Variants in BDH1 observed in about 807,000 individuals in gnomAD.
BDH1 encodes 3-hydroxybutyrate dehydrogenase 1.
Under a neutral mutation model 33.1 loss-of-function variants are expected in BDH1, and 30 were observed. The observed-to-expected ratio is 0.91, with a 90% CI of 0.68 to 1.23. The LOEUF is 1.23. BDH1 is among the 50% of genes most tolerant of loss of function. BDH1 has a pLI of 0.00. For missense variants in BDH1, 443 were observed against 464.4 expected (o/e 0.95, Z 0.42); for synonymous variants, 190 against 183.6 (o/e 1.03, Z -0.28).
At position 197,510,698 on chromosome 3, in the gene BDH1, T is replaced by C. The variant is rs1711919600; in HGVS notation, c.*1197A>G. 9.6e-6 allele frequency: 1 copy of C among 103,826 alleles called. No individual in the cohort carries two copies. The highest frequency in any genetic ancestry group is 4.2e-5 in the African/African-American group (1 of 23,824). 6.4% of individuals were successfully genotyped at this position (103,826 alleles called of 1,614,324 possible). On this transcript the variant is annotated 3_prime_UTR_variant, in exon 8 of 8. Transcript: ENST00000392379. Reference sequence around the variant, plus strand: ...CATGTGTGTAAGGTGTGTGTGTGTGTGTGTGTGTGTGTGTGTGTGTACATG... The same window carrying C: ...CATGTGTGTAAGGTGTGTGTGTGTGCGTGTGTGTGTGTGTGTGTGTACATG...
Position 197,554,168 on chromosome 3 carries a change from A to G in BDH1, c.-44+394T>C, listed in dbSNP as rs761204160. Among the ~76,000 whole-genome samples the G allele has an allele frequency of 1.1e-4, 17 of 152,232 alleles. No individual in the cohort carries two copies. The highest frequency in any genetic ancestry group is 2.4e-4 in the Non-Finnish European group (16 of 68,028). ...TCTGACCAAGTCCTAGCTGGTTCAG[A>G]TAACTCTCCCGAGCAGCCTTTTCTA... On this transcript the variant is annotated intron_variant, in intron 2 of 7. Coordinates refer to ENST00000392379, the MANE Select transcript of BDH1 (RefSeq NM_203314.3). This position sits in a 1 kb window ranked among gnomAD's most constrained non-coding sequence, Gnocchi z 4.4.
At chr3:197,515,211 T>C (rs897996402) in intron 6 of BDH1, 2 of 869,802 alleles carry the variant, frequency 2.3e-6, no homozygotes, top group Non-Finnish European at 2.8e-6. Flanking sequence ...CTTCATTCAC[T>C]GCCCTCTGGT....
rs536538513 is a variant in BDH1 at position 197,541,954 on chromosome 3, G to C, written c.83+4407C>G. On this transcript the variant is annotated intron_variant, in intron 3 of 7. Transcript: ENST00000392379. ...CTGCCAGCATCCGTTCTTCTCATCT[G>C]CCTCACTAACAAGAATCTGGATTTT... 2.0e-5 allele frequency among the ~76,000 whole-genome samples: 3 copies of C among 152,320 alleles called. No homozygotes were observed. In the South Asian group the frequency reaches 6.2e-4, roughly 32 times the overall value.
chr3:197,543,030 C>G, intron 3 of BDH1: 1 of 985,408 alleles, frequency 1.0e-6, no homozygotes, highest in Non-Finnish European at 1.2e-6. Context: ...CCTATGCTGG[C>G]CAGGGCGTTC....
chr3:197,539,736 C>T (rs756345388), intron 3 of BDH1, among the ~76,000 whole-genome samples: 2 of 152,190 alleles, frequency 1.3e-5, no homozygotes, highest in Non-Finnish European at 2.9e-5. Flanking sequence ...ACTGACTCAG[C>T]GCAAGAAGAC....
intron 2 of BDH1, among the ~76,000 whole-genome samples, chr3:197,550,397 T>A (rs76927624): frequency 0.098 from 14,975 of 152,146 alleles, 892 homozygotes; most frequent in African/African-American, 0.16. Flanking sequence ...ACACACCACA[T>A]ACACTCTGCA....
chr3:197,553,054 G>T (rs1716697537), intron 2 of BDH1, among the ~76,000 whole-genome samples: 1 of 152,026 alleles, frequency 6.6e-6, no homozygotes, highest in South Asian at 2.1e-4. Context: ...AGTAACTGGG[G>T]TTACAAGCAT....
At position 197,511,577 on chromosome 3, in the gene BDH1, A is replaced by C; in HGVS notation, c.*318T>G. ...CCTTTTCATTCATGAGACTGGCTTA[A>C]GGATCAAATGAGATCTGTTTTTAAT... On this transcript the variant is annotated 3_prime_UTR_variant, in exon 8 of 8. Coordinates refer to ENST00000392379, the MANE Select transcript of BDH1 (RefSeq NM_203314.3). 2.8e-6 allele frequency: 1 copy of C among 356,064 alleles called. No individual in the cohort carries two copies. The highest frequency in any genetic ancestry group is 5.0e-6 in the Non-Finnish European group (1 of 198,224). The allele number at this position is 356,064 out of a possible 1,614,324, so 22.1% of individuals were successfully genotyped here.
At chr3:197,561,126 T>TG (rs71623363) in intron 1 of BDH1, among the ~76,000 whole-genome samples, 2 of 152,100 alleles carry the variant, frequency 1.3e-5, no homozygotes, top group African/African-American at 2.4e-5. Flanking sequence ...GTCTCAGATT[T>TG]GGGGGGGTTC....
In BDH1 at chr3:197,523,134, A is replaced by C. The variant is rs1226198146; in HGVS notation, c.268-353T>G. 3.7e-6 allele frequency: 1 copy of C among 267,046 alleles called. No homozygotes were observed. The highest frequency in any genetic ancestry group is 2.2e-5 in the African/African-American group (1 of 45,572). The allele number at this position is 267,046 out of a possible 1,614,324, so 16.5% of individuals were successfully genotyped here. On this transcript the variant is annotated intron_variant, in intron 5 of 7. Coordinates refer to ENST00000392379, the MANE Select transcript of BDH1 (RefSeq NM_203314.3). This position sits in a 1 kb window ranked among gnomAD's most constrained non-coding sequence, Gnocchi z 4.5. Reference sequence around the variant, plus strand: ...TCAGGAATTACCACGTGGGGATGGAAACCCAGGGTTGCCAGATGCTTACAT... The same window carrying C: ...TCAGGAATTACCACGTGGGGATGGACACCCAGGGTTGCCAGATGCTTACAT...
intron 5 of BDH1, among the ~76,000 whole-genome samples, chr3:197,527,631 T>A (rs1560316692): frequency 6.6e-6 from 1 of 151,970 alleles, no homozygotes; most frequent in Non-Finnish European, 1.5e-5. Context: ...TTCACTCTAC[T>A]CCCCCCTCAT....
At chr3:197,548,885 AC>A (rs1262837097) in intron 2 of BDH1, among the ~76,000 whole-genome samples, 1 of 134,124 alleles carries the variant, frequency 7.5e-6, no homozygotes, top group Non-Finnish European at 1.7e-5. Flanking sequence ...CAAAAAAAAC[AC>A]AAAAAACTCA....
intron 1 of BDH1, among the ~76,000 whole-genome samples, chr3:197,567,317 G>C (rs1222358021): frequency 2.0e-5 from 3 of 152,194 alleles, no homozygotes; most frequent in African/African-American, 7.2e-5. Context: ...GAAGAGTCAA[G>C]CTGGGAACTG....
chr3:197,546,617 C>G (rs1716101438), intron 2 of BDH1, 131 bp from the exon 3 acceptor site: 4 of 601,882 alleles, frequency 6.6e-6, no homozygotes, highest in African/African-American at 5.6e-5. Context: ...GTCCTGGTAC[C>G]ACCAGGTAGT....
rs1714269589 is a variant in BDH1 at position 197,528,010 on chromosome 3, T to C, written c.267+4402A>G. Among the ~76,000 whole-genome samples, 1 of 152,230 alleles carries C rather than the reference T, an allele frequency of 6.6e-6. No individual in the cohort carries two copies. The highest frequency in any genetic ancestry group is 2.4e-5 in the African/African-American group (1 of 41,458). On this transcript the variant is annotated intron_variant, in intron 5 of 7. Transcript: ENST00000392379. This position sits in a 1 kb window ranked among gnomAD's most constrained non-coding sequence, Gnocchi z 5.1. ...ACCCTGCAGAGAAGCAATTTACTTA[T>C]CTTATTCCTTGCCTATCATCCCCCC...
In BDH1 at chr3:197,511,910, C is replaced by T. The variant is rs993789624; in HGVS notation, c.1017G>A (p.Met339Ile). 1.3e-6 allele frequency: 2 copies of T among 1,562,710 alleles called. No homozygotes were observed. The highest frequency in any genetic ancestry group is 1.4e-5 in the African/African-American group (1 of 74,038). The change falls in exon 8 of 8, where the codon ATG becomes ATA. Residue 339 changes from methionine (M) to isoleucine (I), a missense_variant. By Grantham distance (10) the Met-to-Ile change is conservative. Coordinates refer to ENST00000392379, the MANE Select transcript of BDH1 (RefSeq NM_203314.3). The part of the protein sequence containing the change: ...MTHLPGAISD[M>I]IYIR ...GCGAGACTCTTCAGCGGATGTAGAT[C>T]ATGTCGGAGATGGCTCCAGGCAAGT...
At chr3:197,532,570 C>G (rs770471195) in intron 4 of BDH1, 48 bp from the exon 5 acceptor site, 1 of 1,425,028 alleles carries the variant, frequency 7.0e-7, no homozygotes, top group African/African-American at 1.4e-5. Flanking sequence ...GGTACAGGGG[C>G]AAAGTGACCA....
Position 197,522,021 on chromosome 3 carries a change from C to T in BDH1, c.409+619G>A, listed in dbSNP as rs376484587. On this transcript the variant is annotated intron_variant, in intron 6 of 7. Coordinates refer to ENST00000392379, the MANE Select transcript of BDH1 (RefSeq NM_203314.3). This position sits in a 1 kb window ranked among gnomAD's most constrained non-coding sequence, Gnocchi z 4.8. Reference sequence around the variant, plus strand: ...ACCTCCTTTGCTGCCACCCCCTCTGCGTGACCTGACCCATGACTCATATTG... The same window carrying T: ...ACCTCCTTTGCTGCCACCCCCTCTGTGTGACCTGACCCATGACTCATATTG... Among the ~76,000 whole-genome samples, 5 of 152,130 alleles carry T rather than the reference C, an allele frequency of 3.3e-5. No individual in the cohort carries two copies. The highest frequency in any genetic ancestry group is 2.1e-4 in the South Asian group (1 of 4,826).
At chr3:197,566,901 C>A (rs1018953497) in intron 1 of BDH1, among the ~76,000 whole-genome samples, 2 of 152,094 alleles carry the variant, frequency 1.3e-5, no homozygotes, top group African/African-American at 4.8e-5. Context: ...TTTCATAAAG[C>A]CCCACAAACT....
Sources: gnomAD v4.1 joint callset for allele counts (sites outside exome capture counted in the v4.1 genomes callset) on GRCh38, gnomAD v4.1.1 for gene constraint, Gnocchi (gnomAD v3.1) non-coding constraint, MANE v1.5 for transcripts, NCBI Gene and HGNC (gene_info 2026-07-23, HGNC 2026-07-21) for gene names.